The following GREB1L variants were observed in gnomAD, a reference collection of about 807,000 sequenced individuals.
GREB1L encodes GREB1 like retinoic acid receptor coactivator, also known as GREB1-like protein.
In GREB1L, 17 loss-of-function variants were observed where a neutral mutation model predicts 200.8. The observed-to-expected ratio is 0.08, with a 90% CI of 0.06 to 0.13. The LOEUF is 0.13. GREB1L is among the 10% of genes least tolerant of loss of function. GREB1L has a pLI of 1.00. For synonymous variants in GREB1L, 789 were observed against 893.0 expected (o/e 0.88, Z 2.08); for missense variants, 1,657 against 2,367.7 (o/e 0.70, Z 6.23).
intron 1 of GREB1L, among the ~76,000 whole-genome samples, chr18:21,342,296 T>C (rs2039280657): frequency 6.6e-6 from 1 of 152,192 alleles, no homozygotes; most frequent in South Asian, 2.1e-4. Flanking sequence ...TGGTGAATTT[T>C]GGTCATGAAC....
chr18:21,327,851 T>C (rs1369052952), intron 1 of GREB1L, among the ~76,000 whole-genome samples: 1 of 152,074 alleles, frequency 6.6e-6, no homozygotes, highest in Non-Finnish European at 1.5e-5. Flanking sequence ...TAGCTGGGAC[T>C]ACAGGTGCCT....
At position 21,320,546 on chromosome 18, in the gene GREB1L, G is replaced by A. The variant is rs554835318; in HGVS notation, c.-119-45481G>A. ...TGGGAGGCCGAGATGGGTGGATCAC[G>A]AGGTCAGGAGATTGAGACCATCCTG... On this transcript the variant is annotated intron_variant, in intron 1 of 32. Coordinates refer to ENST00000424526, the MANE Select transcript of GREB1L (RefSeq NM_001142966.3). 4.7e-4 allele frequency among the ~76,000 whole-genome samples: 72 copies of A among 151,904 alleles called. No individual in the cohort carries two copies. The South Asian group carries it at 0.013, about 28-fold the overall frequency.
rs1000202498 is a variant in GREB1L at position 21,525,831 on chromosome 18, T to C, written c.*3010T>C. Among the ~76,000 whole-genome samples, 1 of 151,610 alleles carries C rather than the reference T, an allele frequency of 6.6e-6. No individual in the cohort carries two copies. The highest frequency in any genetic ancestry group is 2.4e-5 in the African/African-American group (1 of 41,388). On this transcript the variant is annotated 3_prime_UTR_variant, in exon 33 of 33. Coordinates refer to ENST00000424526, the MANE Select transcript of GREB1L (RefSeq NM_001142966.3). Reference sequence around the variant, plus strand: ...AACTTTGTTGTCCCAGAAAAATGGCTTTCAATCTATTAATAAAGTGTAGTA... The same window carrying C: ...AACTTTGTTGTCCCAGAAAAATGGCCTTCAATCTATTAATAAAGTGTAGTA...
At chr18:21,287,394 G>A (rs1275290065) in intron 1 of GREB1L, among the ~76,000 whole-genome samples, 3 of 152,096 alleles carry the variant, frequency 2.0e-5, no homozygotes, top group Non-Finnish European at 1.5e-5. Context: ...TGAGATATAT[G>A]TTCCTTGATA....
chr18:21,329,323 TA>T (rs35862944), intron 1 of GREB1L, among the ~76,000 whole-genome samples: 20,499 of 92,344 alleles, frequency 0.22, 4,103 homozygotes, highest in African/African-American at 0.56. Flanking sequence ...AGACTCTGTC[TA>T]AAAAAAAAAA....
chr18:21,420,004 G>A (rs940116315), intron 7 of GREB1L, among the ~76,000 whole-genome samples: 4 of 152,138 alleles, frequency 2.6e-5, no homozygotes, highest in African/African-American at 9.7e-5. Context: ...AACACCAAAA[G>A]TTTAATCTAA....
At chr18:21,515,091 C>A (rs990245452) in intron 28 of GREB1L, among the ~76,000 whole-genome samples, 6 of 152,162 alleles carry the variant, frequency 3.9e-5, no homozygotes, top group Non-Finnish European at 7.3e-5. Flanking sequence ...TACACAATTA[C>A]CAGAACTGGG....
chr18:21,258,941 G>GA (rs997094830), intron 1 of GREB1L, among the ~76,000 whole-genome samples: 7 of 152,178 alleles, frequency 4.6e-5, no homozygotes, highest in African/African-American at 1.7e-4. Flanking sequence ...TGATAGTCTG[G>GA]AAAAAAGTGT....
chr18:21,332,809 G>A (rs1275538226), intron 1 of GREB1L, among the ~76,000 whole-genome samples: 3 of 152,128 alleles, frequency 2.0e-5, no homozygotes, highest in African/African-American at 7.2e-5. Context: ...GCCAGGTGAA[G>A]TGGCTCAACA....
intron 1 of GREB1L, among the ~76,000 whole-genome samples, chr18:21,301,332 C>T (rs2038614187): frequency 6.6e-6 from 1 of 152,132 alleles, no homozygotes; most frequent in Admixed American, 6.5e-5. Context: ...GGAAGGGAAG[C>T]TAGCCAAACT....
intron 1 of GREB1L, among the ~76,000 whole-genome samples, chr18:21,252,537 A>G (rs907591841): frequency 6.9e-6 from 1 of 144,610 alleles, no homozygotes; most frequent in Non-Finnish European, 1.5e-5. Flanking sequence ...AGCCTGGGCA[A>G]CAAGAGTGAA....
Position 21,322,703 on chromosome 18 carries a change from T to G in GREB1L, c.-119-43324T>G, listed in dbSNP as rs561944814. Among the ~76,000 whole-genome samples the G allele has an allele frequency of 2.6e-5, 4 of 152,206 alleles. No individual in the cohort carries two copies. The East Asian group carries it at 7.7e-4, about 29-fold the overall frequency. On this transcript the variant is annotated intron_variant, in intron 1 of 32. Transcript: ENST00000424526. ...TATGATAAATATAACAGTGAACTAA[T>G]TATAATAGACTCAAATACATACTAG...
At chr18:21,489,129 A>C (rs1479857228) in intron 18 of GREB1L, among the ~76,000 whole-genome samples, 1 of 152,130 alleles carries the variant, frequency 6.6e-6, no homozygotes, top group Non-Finnish European at 1.5e-5. Context: ...GAGGCGTAGC[A>C]CCAAAAGGAG....
At chr18:21,496,774 C>G in intron 21 of GREB1L, 76 bp downstream of exon 21, 1 of 1,472,712 alleles carries the variant, frequency 6.8e-7, no homozygotes, top group South Asian at 1.3e-5. Flanking sequence ...AAGGCAGAGG[C>G]ATTTACTGAC....
At chr18:21,355,967 A>T (rs1209163144) in intron 1 of GREB1L, among the ~76,000 whole-genome samples, 2 of 151,062 alleles carry the variant, frequency 1.3e-5, no homozygotes, top group East Asian at 1.9e-4. Context: ...ACTTATTTTT[A>T]AAATAATTAG....
At chr18:21,309,200 C>T (rs1164263958) in intron 1 of GREB1L, among the ~76,000 whole-genome samples, 1 of 152,194 alleles carries the variant, frequency 6.6e-6, no homozygotes, top group African/African-American at 2.4e-5. Context: ...AGGCTGTTGG[C>T]CACATTTTAG....
intron 1 of GREB1L, among the ~76,000 whole-genome samples, chr18:21,273,227 C>CA (rs1427555332): frequency 2.3e-4 from 35 of 150,674 alleles, no homozygotes; most frequent in Admixed American, 1.5e-3. Flanking sequence ...GACTCCATCT[C>CA]AAAAAAAACA....
chr18:21,305,214 T>G (rs941282946), intron 1 of GREB1L, among the ~76,000 whole-genome samples: 3 of 152,164 alleles, frequency 2.0e-5, no homozygotes, highest in African/African-American at 7.2e-5. Flanking sequence ...GACCTCGTGA[T>G]CCACCTGCCT....
At chr18:21,369,685 G>A (rs1287759690) in intron 2 of GREB1L, among the ~76,000 whole-genome samples, 2 of 151,924 alleles carry the variant, frequency 1.3e-5, no homozygotes, top group African/African-American at 2.4e-5. Context: ...AAGTTAATAG[G>A]GTTGGGTTTT....
Sources: allele counts gnomAD v4.1 joint callset (sites outside exome capture counted in the v4.1 genomes callset), GRCh38; gene constraint gnomAD v4.1.1; transcripts MANE v1.5; gene names NCBI Gene and HGNC (gene_info 2026-07-23, HGNC 2026-07-21).